The following RBFOX1 variants were observed in gnomAD, a reference collection of about 807,000 sequenced individuals.
RBFOX1 encodes RNA binding fox-1 homolog 1.
Under a neutral mutation model 57.7 loss-of-function variants are expected in RBFOX1, and 8 were observed. The observed-to-expected ratio is 0.14, with a 90% CI of 0.08 to 0.25. The LOEUF (loss-of-function observed/expected upper bound fraction) is 0.25, where lower values mean the gene tolerates loss of function less well. Among genes scored for constraint, RBFOX1 ranks in the 10% least tolerant of loss-of-function variants. The pLI is 1.00. For synonymous variants in RBFOX1, 326 were observed against 222.4 expected, an observed-to-expected ratio of 1.47 and a Z score of -4.15; for missense variants, 611 against 548.5, an observed-to-expected ratio of 1.11 and a Z score of -1.14.
chr16:6,857,944 C>G (rs1289613223), intron 3 of RBFOX1, among the ~76,000 whole-genome samples: 1 of 152,152 alleles, frequency 6.6e-6, no homozygotes, highest in East Asian at 1.9e-4. Flanking sequence ...TTTTAAGCAT[C>G]AAGACAATAC....
At chr16:6,274,941 G>T (rs1237793720) in intron 1 of RBFOX1, among the ~76,000 whole-genome samples, 1 of 152,120 alleles carries the variant, frequency 6.6e-6, no homozygotes, top group East Asian at 1.9e-4. Flanking sequence ...AAGCATTCTG[G>T]ACAACAGAGT....
chr16:7,635,971 C>T (rs1052443769), intron 11 of RBFOX1, among the ~76,000 whole-genome samples: 5 of 152,078 alleles, frequency 3.3e-5, no homozygotes, highest in Admixed American at 6.6e-5. Context: ...CCACCATGCC[C>T]GGCTAATTTC....
At chr16:6,866,985 C>T (rs1039410059) in intron 3 of RBFOX1, among the ~76,000 whole-genome samples, 2 of 148,434 alleles carry the variant, frequency 1.3e-5, no homozygotes, top group African/African-American at 2.5e-5. Context: ...TACAGAAAAC[C>T]CTCTAGTCAG....
intron 3 of RBFOX1, among the ~76,000 whole-genome samples, chr16:5,683,234 G>A (rs1458751652): frequency 2.0e-5 from 3 of 152,088 alleles, no homozygotes; most frequent in Admixed American, 6.6e-5. Context: ...GGAAGCCTTC[G>A]AAAAATAGTA....
intron 4 of RBFOX1, among the ~76,000 whole-genome samples, chr16:5,870,734 G>A (rs1249662843): frequency 6.6e-6 from 1 of 151,438 alleles, no homozygotes; most frequent in South Asian, 2.1e-4. Flanking sequence ...ATTTCTAATG[G>A]CAATTCATCA....
At chr16:6,890,998 C>A (rs530465325) in intron 3 of RBFOX1, among the ~76,000 whole-genome samples, 1 of 152,190 alleles carries the variant, frequency 6.6e-6, no homozygotes, top group African/African-American at 2.4e-5. Context: ...TGTCTCAGAC[C>A]CTTCAACACT....
rs79458578 is a variant in RBFOX1, at chr16:5,854,566, A to C, written c.319-12737A>C. 4.3e-3 allele frequency among the ~76,000 whole-genome samples: 584 copies of C among 134,600 alleles called. 5 individuals are homozygous for C. Among genetic ancestry groups the C allele is most frequent in the Middle Eastern group, 0.034 (9 of 268 alleles). The allele number at this position is 134,600 out of a possible 152,430, so 88.3% of individuals were successfully genotyped here. On this transcript the variant is annotated intron_variant, in intron 3 of 19. Transcript: ENST00000641259. ...TGTTTATACCTATCTTACCCCCCCC[A>C]CACACAAGCACACATTCACACACAC...
intron 4 of RBFOX1, among the ~76,000 whole-genome samples, chr16:7,407,886 A>G (rs1032096775): frequency 3.3e-5 from 5 of 152,174 alleles, no homozygotes; most frequent in Admixed American, 6.5e-5. Context: ...TAGACAGAAC[A>G]TTATGGGAAC....
chr16:7,544,310 G>T (rs1291477050), intron 5 of RBFOX1, among the ~76,000 whole-genome samples: 1 of 152,182 alleles, frequency 6.6e-6, no homozygotes, highest in African/African-American at 2.4e-5. Context: ...TATGTCACCT[G>T]GTTTATAAAA....
chr16:5,555,877 C>G (rs571905583), intron 2 of RBFOX1, among the ~76,000 whole-genome samples: 1 of 151,884 alleles, frequency 6.6e-6, no homozygotes, highest in African/African-American at 2.4e-5. Context: ...CAAAATTAGC[C>G]GGTCGTGGTG....
chr16:6,689,216 A>C (rs960295220), intron 3 of RBFOX1, among the ~76,000 whole-genome samples: 1 of 152,090 alleles, frequency 6.6e-6, no homozygotes, highest in Non-Finnish European at 1.5e-5. Context: ...AAGGCTGATT[A>C]TGTCTGGAGT....
intron 3 of RBFOX1, among the ~76,000 whole-genome samples, chr16:6,719,396 A>G (rs1051212899): frequency 1.3e-5 from 2 of 152,066 alleles, no homozygotes; most frequent in African/African-American, 4.8e-5. Context: ...AACTATTACT[A>G]ATAGTTTAAA....
chr16:6,048,381 C>G (rs1369920120), intron 1 of RBFOX1, among the ~76,000 whole-genome samples: 1 of 152,186 alleles, frequency 6.6e-6, no homozygotes, highest in East Asian at 1.9e-4. Flanking sequence ...TCAAGAATCT[C>G]TCATAAAGAC....
At chr16:6,515,799 T>G (rs775186958) in intron 2 of RBFOX1, among the ~76,000 whole-genome samples, 2 of 152,114 alleles carry the variant, frequency 1.3e-5, no homozygotes, top group African/African-American at 2.4e-5. Flanking sequence ...CTGGAACAGC[T>G]CCTTCATCCG....
intron 4 of RBFOX1, among the ~76,000 whole-genome samples, chr16:5,904,530 G>A (rs528746705): frequency 5.9e-5 from 9 of 151,858 alleles, no homozygotes; most frequent in African/African-American, 1.2e-4. Flanking sequence ...GTGGGTAGGC[G>A]GAAGGCAGGC....
At chr16:7,537,424 T>A (rs2081762260) in intron 5 of RBFOX1, among the ~76,000 whole-genome samples, 1 of 152,196 alleles carries the variant, frequency 6.6e-6, no homozygotes, top group Middle Eastern at 3.2e-3. Context: ...AACTGAGGCG[T>A]GGTCAGTTGA....
chr16:5,580,204 C>A (rs1203509514), intron 2 of RBFOX1, among the ~76,000 whole-genome samples: 1 of 152,228 alleles, frequency 6.6e-6, no homozygotes, highest in Non-Finnish European at 1.5e-5. Flanking sequence ...GGGACCCCAA[C>A]AATGGATGCA....
At chr16:6,555,112 C>T (rs115228155) in intron 2 of RBFOX1, among the ~76,000 whole-genome samples, 1 of 152,136 alleles carries the variant, frequency 6.6e-6, no homozygotes, top group Non-Finnish European at 1.5e-5. Flanking sequence ...GGGGGTGCCT[C>T]CATTCTTATG....
rs142254793 is a variant in RBFOX1, at chr16:6,516,618, A to G, written c.-63-137985A>G. On this transcript the variant is annotated intron_variant, in intron 2 of 15. Coordinates refer to ENST00000550418, the MANE Select transcript of RBFOX1 (RefSeq NM_018723.4). The stretch of plus-strand genomic sequence containing the variant: ...CCCAACACTTTCATGGAATTGAAAA[A>G]TACTTTTTTATTGAATAAGGCATTG... Among the ~76,000 whole-genome samples the G allele has an allele frequency of 9.4e-3, 1,431 of 152,304 alleles. 9 individuals carry two copies. The highest frequency in any genetic ancestry group is 0.024 in the Middle Eastern group (7 of 290).
Sources: gnomAD v4.1 joint callset for allele counts (sites outside exome capture counted in the v4.1 genomes callset) on GRCh38, gnomAD v4.1.1 for gene constraint, MANE v1.5 for transcripts, NCBI Gene and HGNC (gene_info 2026-07-23, HGNC 2026-07-21) for gene names.